CDKL3: variants seen among roughly 807,000 people sequenced by gnomAD.
CDKL3 encodes the protein cyclin-dependent kinase-like 3.
Under a neutral mutation model 69.3 loss-of-function variants are expected in CDKL3, and 65 were observed. That is an observed-to-expected ratio of 0.94 (90% CI 0.77 to 1.15). The LOEUF is 1.15. Among genes scored for constraint, CDKL3 ranks in the 50% most tolerant of loss-of-function variants. CDKL3 has a pLI of 0.00. For synonymous variants in CDKL3, 202 were observed against 221.6 expected, an observed-to-expected ratio of 0.91 and a Z score of 0.79; for missense variants, 652 against 689.2, an observed-to-expected ratio of 0.95 and a Z score of 0.61.
chr5:134,370,071 G>A (rs1036982990), upstream of CDKL3, among the ~76,000 whole-genome samples: 1 of 152,228 alleles, frequency 6.6e-6, no homozygotes, highest in African/African-American at 2.4e-5. Context: ...ACTGGAAGCA[G>A]AGAGGGAATT....
chr5:134,326,815 GTGTATATATATA>G (rs1280425098), intron 4 of CDKL3, among the ~76,000 whole-genome samples: 1 of 81,528 alleles, frequency 1.2e-5, no homozygotes, highest in Non-Finnish European at 2.2e-5. Flanking sequence ...ATATATGTGT[GTGTATATATATA>G]TATATATATA....
chr5:134,299,331 A>T, intron 12 of CDKL3: 1 of 243,960 alleles, frequency 4.1e-6, no homozygotes, highest in Middle Eastern at 1.8e-3. Context: ...TCACATATTT[A>T]GAAACTTTTC....
chr5:134,367,256 C>T, upstream of CDKL3: 2 of 984,534 alleles, frequency 2.0e-6, no homozygotes, highest in Non-Finnish European at 2.4e-6. Flanking sequence ...TCTGGGTAGG[C>T]GCAAGGTGGA....
chr5:134,306,495 T>C lies in CDKL3; in HGVS notation c.1458+114A>G. On this transcript the variant is annotated intron_variant, in intron 10 of 12. Coordinates refer to ENST00000265334, the MANE Select transcript of CDKL3 (RefSeq NM_001113575.2). ...CTGGGCAACAGAGAGAGATCCTCTCTCAAAAAAACAAAACAAACAAACAAA... is the reference window on the plus strand; with the variant it reads ...CTGGGCAACAGAGAGAGATCCTCTCCCAAAAAAACAAAACAAACAAACAAA... 13 of 671,734 alleles carry C rather than the reference T, an allele frequency of 1.9e-5. No homozygotes were observed. The South Asian group carries it at 2.3e-4, about 12-fold the overall frequency. 41.6% of individuals were successfully genotyped at this position (671,734 alleles called of 1,614,324 possible).
At chr5:134,332,573 T>A (rs1776063029) in intron 4 of CDKL3, among the ~76,000 whole-genome samples, 1 of 152,216 alleles carries the variant, frequency 6.6e-6, no homozygotes, top group Admixed American at 6.5e-5. Context: ...TTCCTTGTTT[T>A]TGTCAGGTTT....
At chr5:134,318,454 C>T (rs4409143) in intron 6 of CDKL3, among the ~76,000 whole-genome samples, 23,572 of 151,790 alleles carry the variant, frequency 0.16, 2,355 homozygotes, top group African/African-American at 0.28. Flanking sequence ...GTGATAAATA[C>T]AGTAAGTCCT....
rs1212803568 is a variant in CDKL3, at chr5:134,366,576, T to A, written c.-21-32A>T. ...AGAAATAAAGAAAGAAAATGGAAAA[T>A]GTTAAACGTTTATACTTTTATTTAT... On this transcript the variant is annotated intron_variant, in intron 1 of 12. Coordinates refer to ENST00000265334, the MANE Select transcript of CDKL3 (RefSeq NM_001113575.2). 2.2e-5 allele frequency: 29 copies of A among 1,333,698 alleles called. 1 individual carries two copies. The Admixed American group carries it at 7.0e-4, about 32-fold the overall frequency. The allele number at this position is 1,333,698 out of a possible 1,614,324, so 82.6% of individuals were successfully genotyped here. A position where few individuals can be genotyped will look rare whatever the true frequency, so the allele number is the denominator to read the frequency against.
downstream of CDKL3, among the ~76,000 whole-genome samples, chr5:134,295,953 G>A (rs1765327614): frequency 6.6e-6 from 1 of 152,096 alleles, no homozygotes; most frequent in Admixed American, 6.6e-5. Context: ...CTGGAGTGCA[G>A]TGGCACAATC....
At position 134,304,477 on chromosome 5, in the gene CDKL3, A is replaced by T. The variant is rs768304361; in HGVS notation, c.1549T>A (p.Ser517Thr). The T allele has an allele frequency of 6.2e-7, 1 of 1,612,896 alleles. No homozygotes were observed. The highest frequency in any genetic ancestry group is 2.2e-5 in the East Asian group (1 of 44,788). Residue 517 changes from serine to threonine, a missense_variant, in exon 11 of 13, where the codon TCT becomes ACT. Ser to Thr is a moderately conservative substitution (Grantham distance 58). Coordinates refer to ENST00000265334, the MANE Select transcript of CDKL3 (RefSeq NM_001113575.2). ...ENKRKLNFSRSDRKEFHFPEL... is the reference protein window; with the variant it reads ...ENKRKLNFSRTDRKEFHFPEL... ...GGAAAATGGAATTCTTTCCTGTCAGATCTGGAAAAATTCAGCTTCCTTTTG... is the reference window on the plus strand; with the variant it reads ...GGAAAATGGAATTCTTTCCTGTCAGTTCTGGAAAAATTCAGCTTCCTTTTG...
At chr5:134,360,508 G>A (rs1237471267) in intron 2 of CDKL3, among the ~76,000 whole-genome samples, 1 of 152,140 alleles carries the variant, frequency 6.6e-6, no homozygotes, top group Non-Finnish European at 1.5e-5. Context: ...CCCAGCCTAT[G>A]TTCCATGCAT....
upstream of CDKL3, chr5:134,371,517 T>A: frequency 2.6e-6 from 4 of 1,526,694 alleles, no homozygotes; most frequent in Non-Finnish European, 3.5e-6. Flanking sequence ...TCCACAGTGA[T>A]TCGGCCGCCG....
At chr5:134,309,809 T>C (rs933599016) in intron 7 of CDKL3, among the ~76,000 whole-genome samples, 4 of 152,186 alleles carry the variant, frequency 2.6e-5, no homozygotes, top group Admixed American at 6.5e-5. Context: ...AGAAGTGATA[T>C]GAAGCAACCT....
rs769801185 is a variant in CDKL3 at position 134,360,008 on chromosome 5, G to A, written c.249C>T (p.Asp83=). 6.4e-7 allele frequency: 1 copy of A among 1,561,212 alleles called. No homozygotes were observed. Among genetic ancestry groups the A allele is most frequent in the Non-Finnish European group, 8.7e-7 (1 of 1,150,428 alleles). ...KKIHLVFEFI[D]HTVLDELQHY... Reference sequence around the variant, plus strand: ...GTTGTAACTCATCTAATACTGTGTGGTCAATAAATTCAAATACCAAATGAA... The same window carrying A: ...GTTGTAACTCATCTAATACTGTGTGATCAATAAATTCAAATACCAAATGAA... The change falls in exon 3 of 13, where the codon GAC becomes GAT. Residue 83 remains aspartate (D), a synonymous_variant. Transcript: ENST00000265334.
intron 9 of CDKL3, 161 bp downstream of exon 9, chr5:134,307,977 C>T (rs191705448): frequency 1.8e-6 from 2 of 1,103,602 alleles, no homozygotes; most frequent in Non-Finnish European, 2.4e-6. Flanking sequence ...TCTTCTACAG[C>T]ATCCATAAGA....
At chr5:134,326,661 A>G (rs967204819) in intron 4 of CDKL3, among the ~76,000 whole-genome samples, 9 of 151,134 alleles carry the variant, frequency 6.0e-5, no homozygotes, top group African/African-American at 2.2e-4. Flanking sequence ...TTTTTTTAAG[A>G]TGGAGTTTCA....
chr5:134,302,883 G>A (rs1321822964), intron 11 of CDKL3, among the ~76,000 whole-genome samples, 196 bp from the exon 12 acceptor site: 2 of 151,896 alleles, frequency 1.3e-5, no homozygotes, highest in Admixed American at 6.6e-5. Flanking sequence ...AGTCTACTAA[G>A]TATTAAAATA....
intron 3 of CDKL3, among the ~76,000 whole-genome samples, chr5:134,357,879 A>G (rs1194876615): frequency 2.0e-5 from 3 of 152,172 alleles, no homozygotes; most frequent in Non-Finnish European, 4.4e-5. Context: ...ATGTTAAAAT[A>G]AAATTAGATT....
In CDKL3 at chr5:134,308,495, C is replaced by A. The variant is rs752099933; in HGVS notation, c.1036-29G>T. 1.3e-5 allele frequency: 20 copies of A among 1,564,664 alleles called. No homozygotes were observed. The Admixed American group carries it at 2.0e-4, about 15-fold the overall frequency. ...GAATAGATACATCCAAAATCTGAGT[C>A]ATCATAACAGTTATTTTTGTCATTA... is the stretch of plus-strand genomic sequence containing the variant. On this transcript the variant is annotated intron_variant, in intron 8 of 12. Transcript: ENST00000265334.
intron 3 of CDKL3, among the ~76,000 whole-genome samples, chr5:134,355,738 C>T (rs1022623852): frequency 3.9e-5 from 6 of 152,138 alleles, no homozygotes; most frequent in African/African-American, 1.4e-4. Flanking sequence ...TGACTGCTTC[C>T]CAAACACAAT....
Sources: gnomAD v4.1 joint callset for allele counts (sites outside exome capture counted in the v4.1 genomes callset) on GRCh38, gnomAD v4.1.1 for gene constraint, MANE v1.5 for transcripts, NCBI Gene and HGNC (gene_info 2026-07-23, HGNC 2026-07-21) for gene names.